The following IMMP2L variants were observed in gnomAD, a reference collection of about 807,000 sequenced individuals.
IMMP2L encodes inner mitochondrial membrane peptidase subunit 2, also known as mitochondrial inner membrane protease subunit 2.
Under a neutral mutation model 19.3 loss-of-function variants are expected in IMMP2L, and 18 were observed. The observed-to-expected ratio is 0.93, with a 90% CI of 0.64 to 1.38. IMMP2L has a LOEUF of 1.38. Among genes scored for constraint, IMMP2L ranks in the 40% most tolerant of loss-of-function variants. The probability of loss-of-function intolerance (pLI) is 0.00; values close to 1 mark genes in which losing one functional copy is unlikely to be tolerated. For missense variants in IMMP2L, 233 were observed against 218.2 expected (o/e 1.07, Z -0.43); for synonymous variants, 76 against 73.0 (o/e 1.04, Z -0.21).
At chr7:110,951,674 G>T (rs926245549) in intron 4 of IMMP2L, among the ~76,000 whole-genome samples, 10 of 151,666 alleles carry the variant, frequency 6.6e-5, no homozygotes, top group Admixed American at 6.6e-4. Flanking sequence ...CTTTGCCAAG[G>T]TTACACAGCT....
chr7:111,520,894 G>C (rs1396485970), intron 2 of IMMP2L, among the ~76,000 whole-genome samples: 1 of 152,084 alleles, frequency 6.6e-6, no homozygotes, highest in African/African-American at 2.4e-5. Context: ...CAATGGTCTA[G>C]ACATTTCTAC....
At chr7:110,679,367 C>T (rs969398150) in intron 5 of IMMP2L, among the ~76,000 whole-genome samples, 6 of 151,986 alleles carry the variant, frequency 3.9e-5, no homozygotes, top group African/African-American at 1.5e-4. Context: ...AACAATAATC[C>T]AAGGTGGATG....
chr7:110,706,282 G>A (rs1794674155), intron 5 of IMMP2L, among the ~76,000 whole-genome samples: 2 of 151,984 alleles, frequency 1.3e-5, no homozygotes, highest in African/African-American at 4.8e-5. Context: ...TCCTTATTAT[G>A]TTGTAGAGAT....
At chr7:111,394,704 T>C (rs184560934) in intron 3 of IMMP2L, among the ~76,000 whole-genome samples, 2 of 152,302 alleles carry the variant, frequency 1.3e-5, no homozygotes, top group Non-Finnish European at 2.9e-5. Context: ...TGTCACTAGC[T>C]ACCAAATCAA....
intron 5 of IMMP2L, among the ~76,000 whole-genome samples, chr7:110,787,686 C>A (rs996242694): frequency 2.6e-5 from 4 of 151,856 alleles, no homozygotes; most frequent in Non-Finnish European, 5.9e-5. Context: ...TTAATTCATT[C>A]CACAATCATT....
chr7:111,162,456 T>G (rs2129607134), intron 3 of IMMP2L, among the ~76,000 whole-genome samples: 1 of 152,162 alleles, frequency 6.6e-6, no homozygotes, highest in Admixed American at 6.5e-5. Context: ...ACAATAAGTA[T>G]AACACAAATA....
At position 110,662,732 on chromosome 7, in the gene IMMP2L, C is replaced by T. The variant is rs889719484; in HGVS notation, c.*870G>A. On this transcript the variant is annotated 3_prime_UTR_variant, in exon 6 of 6. Coordinates refer to ENST00000405709, the MANE Select transcript of IMMP2L (RefSeq NM_032549.4). Reference sequence around the variant, plus strand: ...TTTGCAATTGGTGATTTCAGTATTACAGACGTGAATACTGAGAAATAATTA... The same window carrying T: ...TTTGCAATTGGTGATTTCAGTATTATAGACGTGAATACTGAGAAATAATTA... Among the ~76,000 whole-genome samples the T allele has an allele frequency of 6.6e-6, 1 of 152,168 alleles. No homozygotes were observed. The highest frequency in any genetic ancestry group is 1.5e-5 in the Non-Finnish European group (1 of 68,032).
intron 3 of IMMP2L, among the ~76,000 whole-genome samples, chr7:111,066,738 G>T (rs1232078860): frequency 6.6e-6 from 1 of 152,170 alleles, no homozygotes; most frequent in Non-Finnish European, 1.5e-5. Context: ...CTAGGCCCCC[G>T]AAATGTCAGG....
At chr7:111,388,920 T>C (rs577420648) in intron 3 of IMMP2L, among the ~76,000 whole-genome samples, 3 of 152,144 alleles carry the variant, frequency 2.0e-5, no homozygotes, top group African/African-American at 7.2e-5. Context: ...CATATATACA[T>C]ATAATGTGCA....
intron 5 of IMMP2L, among the ~76,000 whole-genome samples, chr7:110,845,655 T>G (rs1312103193): frequency 2.0e-5 from 3 of 152,164 alleles, no homozygotes; most frequent in African/African-American, 7.2e-5. Context: ...TTGAATTCTT[T>G]GCAGTGCTTG....
chr7:111,049,765 G>C (rs756968473), intron 3 of IMMP2L, among the ~76,000 whole-genome samples: 4 of 152,188 alleles, frequency 2.6e-5, no homozygotes, highest in Non-Finnish European at 2.9e-5. Flanking sequence ...CATTTTTGCA[G>C]GATTTGCAAA....
At chr7:110,797,565 T>C (rs1281078424) in intron 5 of IMMP2L, among the ~76,000 whole-genome samples, 1 of 151,990 alleles carries the variant, frequency 6.6e-6, no homozygotes, top group East Asian at 1.9e-4. Flanking sequence ...AAGAGGCAAT[T>C]AGACAACACG....
At chr7:111,016,809 C>CTATATAATAG (rs1825674574) in intron 3 of IMMP2L, among the ~76,000 whole-genome samples, 1 of 43,112 alleles carries the variant, frequency 2.3e-5, no homozygotes, top group Non-Finnish European at 4.5e-5. Context: ...ATAATATATA[C>CTATATAATAG]TATATATTAT....
At chr7:110,884,760 C>G (rs1324278283) in intron 5 of IMMP2L, among the ~76,000 whole-genome samples, 3 of 151,954 alleles carry the variant, frequency 2.0e-5, no homozygotes, top group Non-Finnish European at 4.4e-5. Flanking sequence ...TTTATTTCAC[C>G]TTTAGTATAC....
In IMMP2L at chr7:110,713,959, C is replaced by G. The variant is rs539727436; in HGVS notation, c.409-50238G>C. ...ATGGCTCTGGCTAGGAATTCCAGTA[C>G]AATGTTGAACAGGAGTAGTGAGAAT... On this transcript the variant is annotated intron_variant, in intron 5 of 5. Coordinates refer to ENST00000405709, the MANE Select transcript of IMMP2L (RefSeq NM_032549.4). Among the ~76,000 whole-genome samples the G allele has an allele frequency of 3.3e-5, 5 of 152,232 alleles. No homozygotes were observed. The East Asian group carries it at 9.6e-4, about 29-fold the overall frequency.
intron 4 of IMMP2L, among the ~76,000 whole-genome samples, chr7:110,923,556 T>A (rs1814531390): frequency 6.6e-6 from 1 of 152,342 alleles, no homozygotes; most frequent in African/African-American, 2.4e-5. Context: ...ACACACATTT[T>A]ACTTTTAAGG....
At chr7:110,831,997 CTCACGCCT>C (rs1325366644) in intron 5 of IMMP2L, among the ~76,000 whole-genome samples, 1 of 152,196 alleles carries the variant, frequency 6.6e-6, no homozygotes, top group African/African-American at 2.4e-5. Flanking sequence ...GGCGCGGTGG[CTCACGCCT>C]GTAATCCCCA....
At chr7:110,795,293 T>G (rs1800785364) in intron 5 of IMMP2L, among the ~76,000 whole-genome samples, 1 of 152,082 alleles carries the variant, frequency 6.6e-6, no homozygotes, top group Non-Finnish European at 1.5e-5. Flanking sequence ...TGACTCAGTA[T>G]TTGTCACATG....
At chr7:110,913,610 A>G (rs918402371) in intron 4 of IMMP2L, among the ~76,000 whole-genome samples, 1 of 152,188 alleles carries the variant, frequency 6.6e-6, no homozygotes, top group Non-Finnish European at 1.5e-5. Flanking sequence ...ATAAAAATTT[A>G]AAAATGTGCA....
Sources: gnomAD v4.1 joint callset for allele counts (sites outside exome capture counted in the v4.1 genomes callset) on GRCh38, gnomAD v4.1.1 for gene constraint, MANE v1.5 for transcripts, NCBI Gene and HGNC (gene_info 2026-07-23, HGNC 2026-07-21) for gene names.